Variants in CDH12 observed in about 807,000 individuals in gnomAD.
The protein encoded by CDH12 is cadherin 12.
CDH12 carries 41 observed loss-of-function variants against 74.1 expected under a neutral mutation model. The observed-to-expected ratio is 0.55, with a 90% CI of 0.43 to 0.72. The LOEUF (loss-of-function observed/expected upper bound fraction) is 0.72, where lower values mean the gene tolerates loss of function less well. Ranked by LOEUF, CDH12 falls within the 30% of genes least tolerant of loss-of-function variation. The probability of loss-of-function intolerance (pLI) is 0.00; values close to 1 mark genes in which losing one functional copy is unlikely to be tolerated. For synonymous variants in CDH12, 399 were observed against 355.0 expected, an observed-to-expected ratio of 1.12 and a Z score of -1.39; for missense variants, 945 against 977.2, an observed-to-expected ratio of 0.97 and a Z score of 0.44.
chr5:22,313,979 A>G (rs1160695814), intron 3 of CDH12, among the ~76,000 whole-genome samples: 5 of 152,200 alleles, frequency 3.3e-5, no homozygotes, highest in Non-Finnish European at 7.3e-5. Flanking sequence ...TAAAAAAAAG[A>G]AAAAAGCTCA....
At chr5:22,464,729 C>T (rs1021874818) in intron 2 of CDH12, among the ~76,000 whole-genome samples, 13 of 152,088 alleles carry the variant, frequency 8.5e-5, no homozygotes, top group South Asian at 2.1e-4. Context: ...GTGCCAGGCA[C>T]GGTGGCTCAC....
chr5:22,229,442 G>A (rs1404686950), intron 3 of CDH12, among the ~76,000 whole-genome samples: 4 of 118,618 alleles, frequency 3.4e-5, no homozygotes, highest in South Asian at 3.3e-4. Context: ...GCAAGACTCC[G>A]TCTCAAAAAA....
intron 5 of CDH12, among the ~76,000 whole-genome samples, chr5:22,034,990 T>C (rs1739072062): frequency 6.6e-6 from 1 of 152,214 alleles, no homozygotes; most frequent in Non-Finnish European, 1.5e-5. Flanking sequence ...TTTCTTCTCA[T>C]CAACGTTATA....
At chr5:22,533,961 T>C (rs956317886) in intron 1 of CDH12, among the ~76,000 whole-genome samples, 2 of 152,176 alleles carry the variant, frequency 1.3e-5, no homozygotes, top group South Asian at 4.1e-4. Context: ...CTAAGTAGTA[T>C]CTTATAAAAT....
At chr5:22,224,801 T>C (rs567110953) in intron 3 of CDH12, among the ~76,000 whole-genome samples, 1 of 151,778 alleles carries the variant, frequency 6.6e-6, no homozygotes, top group East Asian at 1.9e-4. Context: ...ATAAAAAACT[T>C]ACACGAGTTT....
chr5:22,011,796 T>C (rs1199627609), intron 5 of CDH12, among the ~76,000 whole-genome samples: 12 of 152,226 alleles, frequency 7.9e-5, no homozygotes, highest in South Asian at 4.1e-4. Flanking sequence ...ATTAATATTC[T>C]ATGAATAGTT....
chr5:22,211,605 C>T (rs1192634505), intron 4 of CDH12, among the ~76,000 whole-genome samples: 3 of 151,488 alleles, frequency 2.0e-5, no homozygotes, highest in Non-Finnish European at 4.4e-5. Context: ...GCTTACAATA[C>T]CTTTCTAGAT....
intron 5 of CDH12, among the ~76,000 whole-genome samples, chr5:22,013,072 T>C (rs543809520): frequency 9.9e-5 from 15 of 151,660 alleles, no homozygotes; most frequent in Admixed American, 8.6e-4. Context: ...AAACATGCTG[T>C]TTTACTTTGT....
intron 1 of CDH12, among the ~76,000 whole-genome samples, chr5:22,607,580 T>G (rs1013431421): frequency 1.3e-5 from 2 of 152,140 alleles, no homozygotes; most frequent in Non-Finnish European, 2.9e-5. Context: ...TTCAATTACC[T>G]CCCCATGGGT....
chr5:22,631,550 T>C (rs2126857097), intron 1 of CDH12, among the ~76,000 whole-genome samples: 1 of 152,276 alleles, frequency 6.6e-6, no homozygotes. Flanking sequence ...ACCCAAATAC[T>C]GCAGGTTCTC....
At chr5:22,643,515 A>T (rs1420596229) in intron 1 of CDH12, among the ~76,000 whole-genome samples, 1 of 152,144 alleles carries the variant, frequency 6.6e-6, no homozygotes, top group African/African-American at 2.4e-5. Flanking sequence ...AAGAATTCTC[A>T]GTTCTATTTG....
At chr5:22,456,499 G>A (rs544561710) in intron 2 of CDH12, among the ~76,000 whole-genome samples, 24 of 152,032 alleles carry the variant, frequency 1.6e-4, no homozygotes, top group Admixed American at 9.8e-4. Flanking sequence ...TAAGCTGTCC[G>A]CTAAAGGAAA....
intron 11 of CDH12, among the ~76,000 whole-genome samples, chr5:21,765,419 G>T (rs1188222002): frequency 6.6e-6 from 1 of 151,802 alleles, no homozygotes; most frequent in Admixed American, 6.6e-5. Flanking sequence ...TTCCCCAGAT[G>T]AAAAATTGTC....
intron 3 of CDH12, among the ~76,000 whole-genome samples, chr5:22,221,044 C>T (rs138047604): frequency 4.7e-4 from 71 of 151,400 alleles, no homozygotes; most frequent in Non-Finnish European, 8.3e-4. Flanking sequence ...ACATATTTTA[C>T]TACTGGGCAA....
intron 1 of CDH12, among the ~76,000 whole-genome samples, chr5:22,522,582 G>T (rs1737100586): frequency 1.3e-5 from 2 of 152,110 alleles, no homozygotes; most frequent in Admixed American, 1.3e-4. Context: ...CAGCAGTGAA[G>T]CTTCCTTCTA....
At chr5:22,251,354 T>C (rs1439383216) in intron 3 of CDH12, among the ~76,000 whole-genome samples, 1 of 152,126 alleles carries the variant, frequency 6.6e-6, no homozygotes, top group Non-Finnish European at 1.5e-5. Context: ...AGGGGCATGT[T>C]TTGTTGAAGT....
In CDH12 at chr5:22,273,178, T is replaced by C. The variant is rs532703502; in HGVS notation, c.-332-60535A>G. ...GTCAGACCATAACAGGTGCACTTCA[T>C]GGCACCACAAAACAATTACAATAGT... On this transcript the variant is annotated intron_variant, in intron 3 of 14. Transcript: ENST00000382254. 2.5e-3 allele frequency among the ~76,000 whole-genome samples: 373 copies of C among 152,244 alleles called. 3 individuals are homozygous for C. Among genetic ancestry groups the C allele is most frequent in the African/African-American group, 8.8e-3 (367 of 41,544 alleles).
chr5:22,350,694 A>G (rs1740323150), intron 3 of CDH12, among the ~76,000 whole-genome samples: 1 of 152,216 alleles, frequency 6.6e-6, no homozygotes, highest in African/African-American at 2.4e-5. Context: ...ACAATTATAG[A>G]TAACATTTCA....
chr5:22,713,303 A>C (rs1743388241), intron 1 of CDH12, among the ~76,000 whole-genome samples: 1 of 150,986 alleles, frequency 6.6e-6, no homozygotes, highest in African/African-American at 2.4e-5. Context: ...ACCATGCCCC[A>C]CTGATTTTTT....
Sources: allele counts gnomAD v4.1 joint callset (sites outside exome capture counted in the v4.1 genomes callset), GRCh38; gene constraint gnomAD v4.1.1; transcripts MANE v1.5; gene names NCBI Gene and HGNC (gene_info 2026-07-23, HGNC 2026-07-21).